The following SOX5 variants were observed in gnomAD, a reference collection of about 807,000 sequenced individuals.
The protein encoded by SOX5 is SRY-box transcription factor 5, also known as transcription factor SOX-5.
In SOX5, 9 loss-of-function variants were observed where a neutral mutation model predicts 92.0. The observed-to-expected ratio is 0.10, with a 90% CI of 0.06 to 0.17. SOX5 has a LOEUF of 0.17. SOX5 is among the 10% of genes least tolerant of loss of function. SOX5 has a pLI of 1.00. For synonymous variants in SOX5, 344 were observed against 336.3 expected (o/e 1.02, Z -0.25); for missense variants, 642 against 944.5 (o/e 0.68, Z 4.20).
intron 1 of SOX5, among the ~76,000 whole-genome samples, chr12:24,473,598 T>C (rs1272753569): frequency 6.6e-6 from 1 of 152,212 alleles, no homozygotes; most frequent in African/African-American, 2.4e-5. Flanking sequence ...TGTTTTTAGG[T>C]TTTTTTGCTC....
At chr12:24,504,248 C>T (rs1297454205) in intron 1 of SOX5, among the ~76,000 whole-genome samples, 17 of 152,152 alleles carry the variant, frequency 1.1e-4, no homozygotes, top group Non-Finnish European at 1.9e-4. Context: ...CTATAGGCTA[C>T]GTCAACAGTT....
intron 9 of SOX5, among the ~76,000 whole-genome samples, chr12:23,592,373 A>C (rs1036236963): frequency 6.6e-6 from 1 of 152,196 alleles, no homozygotes; most frequent in African/African-American, 2.4e-5. Flanking sequence ...GGTTCTGAAA[A>C]AGTCACCCAA....
intron 7 of SOX5, among the ~76,000 whole-genome samples, chr12:23,654,621 A>G (rs1047986727): frequency 6.6e-6 from 1 of 152,096 alleles, no homozygotes; most frequent in Non-Finnish European, 1.5e-5. Context: ...TACATTTATA[A>G]CAACTCTCCT....
intron 2 of SOX5, among the ~76,000 whole-genome samples, chr12:23,882,669 A>C (rs112252650): frequency 1.2e-4 from 19 of 152,286 alleles, no homozygotes; most frequent in African/African-American, 4.6e-4. Flanking sequence ...GTTCATACTA[A>C]CTGAAACTCA....
intron 1 of SOX5, among the ~76,000 whole-genome samples, chr12:24,488,820 G>A (rs946704627): frequency 6.6e-6 from 1 of 152,100 alleles, no homozygotes; most frequent in African/African-American, 2.4e-5. Flanking sequence ...GGTGATGTTA[G>A]GTGATTTCCA....
chr12:24,490,590 A>G (rs1243703391), intron 1 of SOX5, among the ~76,000 whole-genome samples: 1 of 148,896 alleles, frequency 6.7e-6, no homozygotes, highest in Non-Finnish European at 1.5e-5. Flanking sequence ...AAAATTCAGG[A>G]AAAAAAAAAT....
intron 3 of SOX5, among the ~76,000 whole-genome samples, chr12:24,215,286 G>C (rs955351588): frequency 2.0e-5 from 3 of 152,024 alleles, no homozygotes; most frequent in African/African-American, 7.2e-5. Context: ...AAGGCATCCA[G>C]GCTGGAAAGA....
At chr12:24,314,549 G>A (rs1268892278) in intron 2 of SOX5, among the ~76,000 whole-genome samples, 1 of 145,280 alleles carries the variant, frequency 6.9e-6, no homozygotes. Flanking sequence ...AAAAAAACTA[G>A]GCTGCTTATA....
chr12:24,132,197 T>C (rs1310772335), intron 4 of SOX5, among the ~76,000 whole-genome samples: 1 of 152,150 alleles, frequency 6.6e-6, no homozygotes, highest in Non-Finnish European at 1.5e-5. Context: ...AAACGATAGA[T>C]AATCAGACAA....
Position 23,533,257 on chromosome 12 carries a change from A to C in SOX5, c.*962T>G, listed in dbSNP as rs1266349562. On this transcript the variant is annotated 3_prime_UTR_variant, in exon 15 of 15. Transcript: ENST00000451604. ...GTACCATAATCACATACATACATAC[A>C]CACAAAAATCCAAGATCAGAAAATA... is the stretch of plus-strand genomic sequence containing the variant. 2.4e-6 allele frequency: 1 copy of C among 416,100 alleles called. No individual in the cohort carries two copies. Among genetic ancestry groups the C allele is most frequent in the Non-Finnish European group, 4.9e-6 (1 of 202,712 alleles). 25.8% of individuals were successfully genotyped at this position (416,100 alleles called of 1,614,324 possible). A position where few individuals can be genotyped will look rare whatever the true frequency, so the allele number is the denominator to read the frequency against.
intron 4 of SOX5, among the ~76,000 whole-genome samples, chr12:24,001,252 A>G (rs1951582864): frequency 6.6e-6 from 1 of 151,990 alleles, no homozygotes; most frequent in South Asian, 2.1e-4. Context: ...CACCAGGTCA[A>G]CTAATTTTTT....
intron 6 of SOX5, among the ~76,000 whole-genome samples, chr12:23,728,474 AATC>A (rs2093254748): frequency 6.6e-6 from 1 of 152,164 alleles, no homozygotes; most frequent in Non-Finnish European, 1.5e-5. Context: ...CAGGGAAAGA[AATC>A]ATACATCAGC....
rs1047470490 is a variant in SOX5, at chr12:23,835,696, A to G, written c.481+10287T>C. ...AATATTTCAGATAATATATTATTCA[A>G]TATTTAAAGTTTAGATACACATGTG... On this transcript the variant is annotated intron_variant, in intron 3 of 14. Transcript: ENST00000451604. Among the ~76,000 whole-genome samples the G allele has an allele frequency of 1.3e-5, 2 of 151,834 alleles. 1 individual carries two copies. The highest frequency in any genetic ancestry group is 4.1e-4 in the South Asian group (2 of 4,822).
Position 24,435,603 on chromosome 12 carries a change from A to G in SOX5, c.-250-66964T>C, listed in dbSNP as rs146805751. On this transcript the variant is annotated intron_variant, in intron 1 of 4. Coordinates refer to the SOX5 transcript ENST00000446891. ...TGTGTTCAATAAATATTTACAAAAG[A>G]AGCAAATGAGCAAAAGAAGTTATTT... Among the ~76,000 whole-genome samples the G allele has an allele frequency of 2.8e-3, 427 of 152,368 alleles. 4 individuals carry two copies. Among genetic ancestry groups the G allele is most frequent in the African/African-American group, 9.8e-3 (408 of 41,588 alleles).
At chr12:24,154,218 T>C (rs1951937679) in intron 4 of SOX5, among the ~76,000 whole-genome samples, 1 of 152,168 alleles carries the variant, frequency 6.6e-6, no homozygotes, top group Admixed American at 6.6e-5. Flanking sequence ...TTTGCTTATA[T>C]GTGTTATCAG....
chr12:24,106,110 G>A (rs937627825), intron 4 of SOX5, among the ~76,000 whole-genome samples: 41 of 151,282 alleles, frequency 2.7e-4, no homozygotes, highest in African/African-American at 9.5e-4. Context: ...ATTTTAAAAG[G>A]CAATGTTACA....
intron 9 of SOX5, among the ~76,000 whole-genome samples, chr12:23,581,089 A>G (rs1949978619): frequency 6.6e-6 from 1 of 152,080 alleles, no homozygotes; most frequent in African/African-American, 2.4e-5. Context: ...ACAAATACCA[A>G]ATGATTTAGA....
At chr12:23,905,832 G>A (rs2097287870) in intron 1 of SOX5, among the ~76,000 whole-genome samples, 1 of 152,036 alleles carries the variant, frequency 6.6e-6, no homozygotes, top group Non-Finnish European at 1.5e-5. Context: ...GAAAGAGTAT[G>A]GTAATAAGCA....
chr12:23,674,430 C>T (rs576025366), intron 6 of SOX5, among the ~76,000 whole-genome samples: 4 of 146,730 alleles, frequency 2.7e-5, no homozygotes, highest in South Asian at 2.2e-4. Flanking sequence ...CTCCGCCTCC[C>T]GGGTTCAAGC....
Sources: allele counts gnomAD v4.1 joint callset (sites outside exome capture counted in the v4.1 genomes callset), GRCh38; gene constraint gnomAD v4.1.1; transcripts MANE v1.5; gene names NCBI Gene and HGNC (gene_info 2026-07-23, HGNC 2026-07-21).